Variants in ERI1 observed in about 807,000 individuals in gnomAD.
The protein encoded by ERI1 is exoribonuclease 1.
ERI1 carries 39 observed loss-of-function variants against 39.7 expected under a neutral mutation model. The observed-to-expected ratio is 0.98, with a 90% CI of 0.76 to 1.28. The LOEUF (loss-of-function observed/expected upper bound fraction) is 1.28. Among genes scored for constraint, ERI1 ranks in the 50% most tolerant of loss-of-function variants. The probability of loss-of-function intolerance (pLI) is 0.00; values close to 1 mark genes in which losing one functional copy is unlikely to be tolerated. For synonymous variants in ERI1, 204 were observed against 149.6 expected, an observed-to-expected ratio of 1.36 and a Z score of -2.65; for missense variants, 581 against 416.9, an observed-to-expected ratio of 1.39 and a Z score of -3.43.
At chr8:9,017,723 G>C (rs1232307730) in intron 4 of ERI1, among the ~76,000 whole-genome samples, 1 of 152,180 alleles carries the variant, frequency 6.6e-6, no homozygotes, top group Non-Finnish European at 1.5e-5. Flanking sequence ...GTTCAGGATG[G>C]TTCAGATGTG....
At chr8:9,013,321 A>G (rs1192981490) in intron 3 of ERI1, among the ~76,000 whole-genome samples, 1 of 91,722 alleles carries the variant, frequency 1.1e-5, no homozygotes, top group Non-Finnish European at 2.7e-5. Flanking sequence ...GGCCATTCTC[A>G]CTTAAAAAAA....
At chr8:9,024,019 C>G (rs997573761) in intron 6 of ERI1, among the ~76,000 whole-genome samples, 1 of 151,896 alleles carries the variant, frequency 6.6e-6, no homozygotes, top group African/African-American at 2.4e-5. Flanking sequence ...CCAGGCTGGT[C>G]TTGAAGTCCC....
rs1797646370 is a variant in ERI1 at position 9,032,353 on chromosome 8, A to T, written c.*2319A>T. ...TTTATTCTATGCTTCATATGCTCTG[A>T]CATTGACATAGTGGATTTCTGCTGA... is the stretch of plus-strand genomic sequence containing the variant. On this transcript the variant is annotated 3_prime_UTR_variant, in exon 7 of 7. Transcript: ENST00000250263. The T allele has an allele frequency of 6.6e-6, 1 of 152,230 alleles. No individual in the cohort carries two copies. The highest frequency in any genetic ancestry group is 1.5e-5 in the Non-Finnish European group (1 of 68,044). 9.4% of individuals were successfully genotyped at this position (152,230 alleles called of 1,614,324 possible).
At chr8:9,058,399 C>G (rs988548704) in intron 3 of ERI1, among the ~76,000 whole-genome samples, 1 of 152,158 alleles carries the variant, frequency 6.6e-6, no homozygotes, top group African/African-American at 2.4e-5. Context: ...ACTCATGGGC[C>G]TAGCTCCTGG....
chr8:9,051,230 A>G (rs1798345172), intron 3 of ERI1, among the ~76,000 whole-genome samples: 1 of 151,914 alleles, frequency 6.6e-6, no homozygotes. Context: ...TGAGAAGTCC[A>G]CGGTTGAGGG....
intron 3 of ERI1, among the ~76,000 whole-genome samples, chr8:9,080,059 G>T (rs918881864): frequency 3.9e-5 from 6 of 151,904 alleles, no homozygotes; most frequent in Non-Finnish European, 8.8e-5. Flanking sequence ...TCAGGAGCTG[G>T]CTTACAGGAA....
intron 3 of ERI1, among the ~76,000 whole-genome samples, chr8:9,091,679 T>C (rs756674754): frequency 1.3e-5 from 2 of 152,204 alleles, no homozygotes; most frequent in Non-Finnish European, 2.9e-5. Context: ...AGGTCTAATG[T>C]TATGAGAGTT....
intron 3 of ERI1, among the ~76,000 whole-genome samples, chr8:9,092,799 C>A (rs191333086): frequency 6.6e-6 from 1 of 152,124 alleles, no homozygotes; most frequent in African/African-American, 2.4e-5. Context: ...AGTAACAGAC[C>A]GGGTGGCTTC....
intron 3 of ERI1, among the ~76,000 whole-genome samples, chr8:9,079,505 G>A (rs1222126214): frequency 1.3e-5 from 2 of 152,102 alleles, no homozygotes; most frequent in Admixed American, 1.3e-4. Context: ...TCCAGAATGG[G>A]CTAGCAAAAA....
rs545248943 is a variant in ERI1 at position 9,051,433 on chromosome 8, G to A, written n.299+30969G>A. On this transcript the variant is annotated intron_variant and non_coding_transcript_variant, in intron 3 of 3. Coordinates refer to the ERI1 transcript ENST00000518663. ...GCATTTTGGAAGGCTGAGGCAAGCA[G>A]ATCCCTTGAGGTCAGGAGTTCGAGA... is the stretch of plus-strand genomic sequence containing the variant. Among the ~76,000 whole-genome samples the A allele has an allele frequency of 3.2e-3, 494 of 152,242 alleles. 4 individuals are homozygous for A. Among genetic ancestry groups the A allele is most frequent in the Middle Eastern group, 6.8e-3 (2 of 294 alleles).
intron 3 of ERI1, among the ~76,000 whole-genome samples, chr8:9,067,469 A>G (rs1308267053): frequency 6.6e-6 from 1 of 151,728 alleles, no homozygotes; most frequent in Non-Finnish European, 1.5e-5. Flanking sequence ...AGCCTGGGCA[A>G]CATAGAGAAA....
In ERI1 at chr8:9,067,653, TA is replaced by T. The variant is rs573247378; in HGVS notation, n.299+47206del. Among the ~76,000 whole-genome samples the T allele has an allele frequency of 7.4e-3, 896 of 121,142 alleles. 5 individuals are homozygous for T. The highest frequency in any genetic ancestry group is 8.6e-3 in the Middle Eastern group (2 of 232). The allele number at this position is 121,142 out of a possible 152,430, so 79.5% of individuals were successfully genotyped here. A position where few individuals can be genotyped will look rare whatever the true frequency, so the allele number is the denominator to read the frequency against. On this transcript the variant is annotated intron_variant and non_coding_transcript_variant, in intron 3 of 3. Coordinates refer to the ERI1 transcript ENST00000518663. ...CTGAGCAACAGAGTGAGAACCTTTC[TA>T]AAAAAAAAAAAAAAAAGGTGACAAG...
At chr8:9,028,600 A>G (rs1202869522) in intron 6 of ERI1, among the ~76,000 whole-genome samples, 1 of 152,148 alleles carries the variant, frequency 6.6e-6, no homozygotes, top group Admixed American at 6.6e-5. Flanking sequence ...AAATCTTGAT[A>G]GAAATATGAA....
chr8:9,004,939 C>A (rs1260005422), intron 1 of ERI1, among the ~76,000 whole-genome samples: 1 of 152,094 alleles, frequency 6.6e-6, no homozygotes, highest in Non-Finnish European at 1.5e-5. Context: ...CCGCCCACCT[C>A]GGCCTCCCAA....
At position 9,063,767 on chromosome 8, in the gene ERI1, C is replaced by T. The variant is rs144197530; in HGVS notation, n.299+43303C>T. ...TTGTAGGATGGAAAAATTGAAAGTG[C>T]CGTTTTCTGGCTATTTGGAACCACT... On this transcript the variant is annotated intron_variant and non_coding_transcript_variant, in intron 3 of 3. Transcript: ENST00000518663. Among the ~76,000 whole-genome samples the T allele has an allele frequency of 2.5e-3, 388 of 152,184 alleles. 5 individuals are homozygous for T. The highest frequency in any genetic ancestry group is 9.0e-3 in the African/African-American group (373 of 41,494).
chr8:9,011,596 G>A lies in ERI1; in HGVS notation c.342G>A (p.Lys114=). 1 of 1,613,492 alleles carries A rather than the reference G, an allele frequency of 6.2e-7. No homozygotes were observed. The highest frequency in any genetic ancestry group is 8.5e-7 in the Non-Finnish European group (1 of 1,179,632). The stretch of plus-strand genomic sequence containing the variant: ...TGAAAAACTATTATAAGAAGCAGAA[G>A]CTGATGCTGAAAGAGAGCAATTTTG... ...KRLKNYYKKQ[K]LMLKESNFAD... is the part of the protein sequence containing the mutation. Residue 114 remains lysine, a synonymous_variant, in exon 3 of 7, where the codon AAG becomes AAA. Transcript: ENST00000250263.
chr8:9,085,951 A>G (rs914034142), intron 3 of ERI1, among the ~76,000 whole-genome samples: 11 of 152,152 alleles, frequency 7.2e-5, no homozygotes, highest in African/African-American at 2.7e-4. Flanking sequence ...AAGTGTGTGC[A>G]TAAGCATGCA....
downstream of ERI1, among the ~76,000 whole-genome samples, chr8:9,036,438 C>G (rs1797847366): frequency 6.6e-6 from 1 of 152,202 alleles, no homozygotes. Flanking sequence ...GCTTGCTGAA[C>G]ACTCATGATT....
intron 2 of ERI1, among the ~76,000 whole-genome samples, chr8:9,009,487 C>T (rs1010238931): frequency 1.3e-5 from 2 of 152,208 alleles, no homozygotes. Flanking sequence ...GCCTTTTCTT[C>T]ACCTGTTGTG....
Sources: allele counts gnomAD v4.1 joint callset (sites outside exome capture counted in the v4.1 genomes callset), GRCh38; gene constraint gnomAD v4.1.1; transcripts MANE v1.5; gene names NCBI Gene and HGNC (gene_info 2026-07-23, HGNC 2026-07-21).